The following KIF26B variants were observed in gnomAD, a reference collection of about 807,000 sequenced individuals.
KIF26B encodes kinesin family member 26B.
Under a neutral mutation model 151.2 loss-of-function variants are expected in KIF26B, and 63 were observed. The ratio of observed to expected loss-of-function variants is 0.42; its 90% confidence interval spans 0.34 to 0.51. The LOEUF is 0.51. Ranked by LOEUF, KIF26B falls within the 20% of genes least tolerant of loss-of-function variation. The probability of loss-of-function intolerance (pLI) is 0.07; values close to 1 mark genes in which losing one functional copy is unlikely to be tolerated. For synonymous variants in KIF26B, 1,357 were observed against 1,262.1 expected (o/e 1.08, Z -1.59); for missense variants, 2,813 against 2,913.6 (o/e 0.97, Z 0.79).
chr1:245,387,301 A>C (rs528992412), intron 3 of KIF26B, among the ~76,000 whole-genome samples: 5 of 151,888 alleles, frequency 3.3e-5, no homozygotes, highest in African/African-American at 9.7e-5. Flanking sequence ...AGTAGCTGGG[A>C]CTACAGATGC....
At chr1:245,506,995 T>C (rs572428790) in intron 4 of KIF26B, among the ~76,000 whole-genome samples, 23 of 152,278 alleles carry the variant, frequency 1.5e-4, no homozygotes, top group African/African-American at 5.3e-4. Context: ...TGAAATCTTA[T>C]AAGACCCTCA....
At chr1:245,550,393 A>G (rs1661850895) in intron 5 of KIF26B, among the ~76,000 whole-genome samples, 1 of 152,236 alleles carries the variant, frequency 6.6e-6, no homozygotes, top group Admixed American at 6.5e-5. Flanking sequence ...TCACAATGGC[A>G]TGCCTTACAA....
chr1:245,398,189 C>T (rs1038427163), intron 3 of KIF26B, among the ~76,000 whole-genome samples: 2 of 152,146 alleles, frequency 1.3e-5, no homozygotes, highest in African/African-American at 4.8e-5. Context: ...CCATCTTAAA[C>T]TGAAGGATTA....
intron 2 of KIF26B, among the ~76,000 whole-genome samples, chr1:245,329,069 C>T (rs1462714296): frequency 6.6e-6 from 1 of 152,148 alleles, no homozygotes; most frequent in East Asian, 1.9e-4. Context: ...TAGAAAACAC[C>T]AGCTGAATTC....
chr1:245,397,830 T>C (rs1370498373), intron 3 of KIF26B, among the ~76,000 whole-genome samples: 1 of 152,204 alleles, frequency 6.6e-6, no homozygotes, highest in Non-Finnish European at 1.5e-5. Context: ...AGCCAATGAA[T>C]AGACTATCCA....
At chr1:245,553,911 G>A (rs1398134496) in intron 5 of KIF26B, among the ~76,000 whole-genome samples, 1 of 152,156 alleles carries the variant, frequency 6.6e-6, no homozygotes, top group Non-Finnish European at 1.5e-5. Context: ...AGTATTTATC[G>A]AGCCATGGTC....
At chr1:245,316,887 C>T (rs1423792129) in intron 2 of KIF26B, among the ~76,000 whole-genome samples, 1 of 117,118 alleles carries the variant, frequency 8.5e-6, no homozygotes, top group African/African-American at 4.0e-5. Context: ...TTGTGTGTTT[C>T]CTGGTGCGTT....
intron 4 of KIF26B, among the ~76,000 whole-genome samples, chr1:245,445,099 A>G (rs1659216999): frequency 6.6e-6 from 1 of 152,126 alleles, no homozygotes; most frequent in Admixed American, 6.6e-5. Flanking sequence ...ATCAATCAAC[A>G]CTGCAGACTC....
In KIF26B at chr1:245,578,709, T is replaced by C. The variant is rs75313991; in HGVS notation, c.1351-23868T>C. Among the ~76,000 whole-genome samples the C allele has an allele frequency of 8.1e-3, 1,228 of 152,358 alleles. 19 individuals are homozygous for C. The highest frequency in any genetic ancestry group is 0.028 in the African/African-American group (1,150 of 41,582). On this transcript the variant is annotated intron_variant, in intron 5 of 14. Coordinates refer to ENST00000407071, the MANE Select transcript of KIF26B (RefSeq NM_018012.4). ...TAAAAGAATTCTGTTACTGGGGCTG[T>C]GGATGGAGCCGATTTTAACATTTGT...
intron 10 of KIF26B, among the ~76,000 whole-genome samples, chr1:245,662,294 TCACA>T (rs1264171660): frequency 1.5e-5 from 2 of 134,158 alleles, no homozygotes; most frequent in South Asian, 2.5e-4. Flanking sequence ...ATATATATAC[TCACA>T]CACACCCTAT....
chr1:245,581,246 CA>C (rs1049346883), intron 5 of KIF26B, among the ~76,000 whole-genome samples: 19 of 152,224 alleles, frequency 1.2e-4, no homozygotes, highest in African/African-American at 4.6e-4. Context: ...AGACCTACAA[CA>C]GTTGGTATCA....
rs2043396568 is a variant in KIF26B at position 245,601,527 on chromosome 1, A to G, written c.1351-1050A>G. Among the ~76,000 whole-genome samples the G allele has an allele frequency of 6.6e-6, 1 of 152,246 alleles. No individual in the cohort carries two copies. The highest frequency in any genetic ancestry group is 2.4e-5 in the African/African-American group (1 of 41,458). ...GAGAACAAGACACAGAGAGGAATTT[A>G]GAAATAATCCTTGTGCATACCTTCC... On this transcript the variant is annotated intron_variant, in intron 5 of 14. Transcript: ENST00000407071. This position sits in a 1 kb window ranked among gnomAD's most constrained non-coding sequence, Gnocchi z 4.4.
At chr1:245,566,434 A>G (rs1715774) in intron 5 of KIF26B, among the ~76,000 whole-genome samples, 18,904 of 152,314 alleles carry the variant, frequency 0.12, 1,736 homozygotes, top group African/African-American at 0.25. Context: ...ATTCAATGAT[A>G]ATTGTGCTCA....
chr1:245,456,225 A>G (rs1181146605), intron 4 of KIF26B, among the ~76,000 whole-genome samples: 1 of 152,210 alleles, frequency 6.6e-6, no homozygotes, highest in African/African-American at 2.4e-5. Context: ...TGAAGACTCT[A>G]GATCATTACA....
intron 12 of KIF26B, among the ~76,000 whole-genome samples, chr1:245,692,501 G>A (rs569524322): frequency 6.0e-4 from 92 of 152,242 alleles, no homozygotes; most frequent in African/African-American, 2.2e-3. Context: ...CTGAGGCAGG[G>A]ATGGGACTGC....
At chr1:245,204,821 C>G (rs181519657) in intron 2 of KIF26B, among the ~76,000 whole-genome samples, 5 of 151,994 alleles carry the variant, frequency 3.3e-5, no homozygotes, top group African/African-American at 1.2e-4. Context: ...CACTCTGTCA[C>G]GCAGGCTGGA....
chr1:245,327,912 G>T (rs1446105127), intron 2 of KIF26B, among the ~76,000 whole-genome samples: 1 of 152,160 alleles, frequency 6.6e-6, no homozygotes, highest in African/African-American at 2.4e-5. Context: ...GTGACTTCCA[G>T]AAAACAAGAA....
At chr1:245,327,124 C>A (rs1314723308) in intron 2 of KIF26B, among the ~76,000 whole-genome samples, 1 of 152,210 alleles carries the variant, frequency 6.6e-6, no homozygotes, top group Admixed American at 6.5e-5. Flanking sequence ...ACACAGATGA[C>A]CATGTATACA....
intron 3 of KIF26B, among the ~76,000 whole-genome samples, chr1:245,409,999 A>C (rs1214973273): frequency 6.6e-6 from 1 of 152,234 alleles, no homozygotes; most frequent in African/African-American, 2.4e-5. Flanking sequence ...AGGAATGCTA[A>C]CTGGTCATTC....
Sources: gnomAD v4.1 joint callset for allele counts (sites outside exome capture counted in the v4.1 genomes callset) on GRCh38, gnomAD v4.1.1 for gene constraint, Gnocchi (gnomAD v3.1) non-coding constraint, MANE v1.5 for transcripts, NCBI Gene and HGNC (gene_info 2026-07-23, HGNC 2026-07-21) for gene names.